ATP10B: variants seen among roughly 807,000 people sequenced by gnomAD.
ATP10B encodes the protein ATPase phospholipid transporting 10B (putative).
Under a neutral mutation model 141.2 loss-of-function variants are expected in ATP10B, and 122 were observed. The observed-to-expected ratio is 0.86, with a 90% CI of 0.75 to 1.00. ATP10B has a LOEUF of 1.00. Among genes scored for constraint, ATP10B ranks in the 50% least tolerant of loss-of-function variants. The pLI is 0.00. For synonymous variants in ATP10B, 685 were observed against 692.0 expected, an observed-to-expected ratio of 0.99 and a Z score of 0.16; for missense variants, 1,876 against 1,825.3, an observed-to-expected ratio of 1.03 and a Z score of -0.51.
intron 3 of ATP10B, among the ~76,000 whole-genome samples, chr5:160,701,176 G>A (rs1192967597): frequency 6.6e-6 from 1 of 152,072 alleles, no homozygotes; most frequent in African/African-American, 2.4e-5. Flanking sequence ...CCAAACTCTA[G>A]ATCGACTCAT....
intron 1 of ATP10B, among the ~76,000 whole-genome samples, chr5:160,834,078 T>A (rs1325762742): frequency 6.6e-6 from 1 of 151,920 alleles, no homozygotes; most frequent in African/African-American, 2.4e-5. Context: ...TAATTCCAGT[T>A]CTTTGGGAGG....
At chr5:160,883,085 C>T in the ATP10B span, among the ~76,000 whole-genome samples, 16 of 152,228 alleles carry the variant, frequency 1.1e-4, no homozygotes, top group African/African-American at 3.6e-4. Context: ...TAAGGGATGA[C>T]AGTTCAAGTC....
At chr5:160,573,401 A>T (rs1480427655) in intron 24 of ATP10B, among the ~76,000 whole-genome samples, 1 of 152,226 alleles carries the variant, frequency 6.6e-6, no homozygotes, top group African/African-American at 2.4e-5. Flanking sequence ...GCCTGAGAAG[A>T]CGCAGACAAT....
chr5:160,905,337 G>A, the ATP10B span, among the ~76,000 whole-genome samples: 1 of 152,226 alleles, frequency 6.6e-6, no homozygotes, highest in African/African-American at 2.4e-5. Flanking sequence ...AGATCCAGAT[G>A]GGCCTATGTT....
At chr5:160,668,120 T>C (rs550763922) in intron 7 of ATP10B, among the ~76,000 whole-genome samples, 7 of 150,464 alleles carry the variant, frequency 4.7e-5, no homozygotes, top group Non-Finnish European at 1.0e-4. Flanking sequence ...TAATTCCAGC[T>C]ACTTGGGAGG....
the ATP10B span, among the ~76,000 whole-genome samples, chr5:160,899,367 TGTC>T: frequency 1.3e-4 from 19 of 151,912 alleles, no homozygotes; most frequent in African/African-American, 2.2e-4. Context: ...GGAAGAAAAA[TGTC>T]GTCATGTAGA....
chr5:160,690,766 A>G (rs138160835), intron 3 of ATP10B, among the ~76,000 whole-genome samples: 1 of 152,170 alleles, frequency 6.6e-6, no homozygotes, highest in Non-Finnish European at 1.5e-5. Flanking sequence ...TGGGAGTGTA[A>G]ATTAGTTCAA....
chr5:160,812,832 A>T (rs911381476), intron 1 of ATP10B, among the ~76,000 whole-genome samples: 3 of 152,230 alleles, frequency 2.0e-5, no homozygotes, highest in African/African-American at 7.2e-5. Flanking sequence ...AGATACGTGT[A>T]GATAGTTTTT....
intron 7 of ATP10B, among the ~76,000 whole-genome samples, chr5:160,653,142 A>G (rs1252661072): frequency 9.1e-5 from 12 of 131,584 alleles, no homozygotes; most frequent in Non-Finnish European, 1.9e-4. Context: ...ATACATAAAT[A>G]TATATTATAA....
intron 3 of ATP10B, among the ~76,000 whole-genome samples, chr5:160,709,030 G>A (rs1314932382): frequency 1.3e-5 from 2 of 152,150 alleles, no homozygotes; most frequent in Non-Finnish European, 2.9e-5. Context: ...CAGACAGACA[G>A]ACCCCTTGGA....
At chr5:160,751,021 C>T (rs893830088) in intron 2 of ATP10B, among the ~76,000 whole-genome samples, 5 of 152,228 alleles carry the variant, frequency 3.3e-5, no homozygotes, top group Non-Finnish European at 5.9e-5. Context: ...TGCCTTCTGC[C>T]CCTGCCTGCA....
chr5:160,673,876 G>T (rs1280003899), intron 6 of ATP10B, among the ~76,000 whole-genome samples: 4 of 152,210 alleles, frequency 2.6e-5, no homozygotes, highest in African/African-American at 7.2e-5. Context: ...TGTGAGAAAA[G>T]AATCTCATAG....
chr5:160,589,896 A>G (rs779620371), intron 23 of ATP10B, among the ~76,000 whole-genome samples, 200 bp from the exon 24 acceptor site: 9 of 152,228 alleles, frequency 5.9e-5, no homozygotes, highest in Non-Finnish European at 1.3e-4. Flanking sequence ...TGGTGTTTGC[A>G]GGAGTAAGCC....
chr5:160,706,345 G>A (rs950701477), intron 3 of ATP10B, among the ~76,000 whole-genome samples: 5 of 152,206 alleles, frequency 3.3e-5, no homozygotes, highest in Non-Finnish European at 7.3e-5. Context: ...AATAAAGGAA[G>A]TTCAATGAAG....
intron 3 of ATP10B, among the ~76,000 whole-genome samples, chr5:160,696,726 A>G (rs1037474713): frequency 3.3e-5 from 5 of 152,146 alleles, no homozygotes; most frequent in Non-Finnish European, 7.3e-5. Context: ...CAAAACAATA[A>G]CAACAACAAC....
chr5:160,658,296 G>C (rs1761646621), intron 7 of ATP10B, among the ~76,000 whole-genome samples: 1 of 152,202 alleles, frequency 6.6e-6, no homozygotes, highest in Non-Finnish European at 1.5e-5. Context: ...TTACCTGTGG[G>C]ACACCGGTCA....
intron 7 of ATP10B, among the ~76,000 whole-genome samples, chr5:160,649,809 C>T (rs1473544328): frequency 6.6e-6 from 1 of 151,780 alleles, no homozygotes; most frequent in East Asian, 1.9e-4. Context: ...TGTAATATTT[C>T]CAGGGTTTTA....
In ATP10B at chr5:160,669,334, A is replaced by G. The variant is rs375916715; in HGVS notation, c.675+1129T>C. ...ACCATTTAGTCTTCAAAACTACCCT[A>G]TGGAAAGGGAACTATTTTTGTCCCC... On this transcript the variant is annotated intron_variant, in intron 7 of 25. Coordinates refer to ENST00000327245, the MANE Select transcript of ATP10B (RefSeq NM_025153.3). Among the ~76,000 whole-genome samples the G allele has an allele frequency of 3.9e-5, 6 of 152,282 alleles. No homozygotes were observed. In the East Asian group the frequency reaches 9.7e-4, roughly 25 times the overall value.
the ATP10B span, among the ~76,000 whole-genome samples, chr5:160,896,127 A>T: frequency 6.6e-6 from 1 of 152,142 alleles, no homozygotes; most frequent in Non-Finnish European, 1.5e-5. Flanking sequence ...TAACATCATA[A>T]TGAAAAGAAC....
Sources: gnomAD v4.1 joint callset for allele counts (sites outside exome capture counted in the v4.1 genomes callset) on GRCh38, gnomAD v4.1.1 for gene constraint, MANE v1.5 for transcripts, NCBI Gene and HGNC (gene_info 2026-07-23, HGNC 2026-07-21) for gene names.